Variants in DTL observed in about 807,000 individuals in gnomAD.
DTL encodes the protein denticleless protein homolog.
In DTL, 46 loss-of-function variants were observed where a neutral mutation model predicts 87.0. That is an observed-to-expected ratio of 0.53 (90% CI 0.42 to 0.68). The LOEUF (loss-of-function observed/expected upper bound fraction) is 0.68. Among genes scored for constraint, DTL ranks in the 30% least tolerant of loss-of-function variants. DTL has a pLI of 0.00. For missense variants in DTL, 737 were observed against 869.4 expected (o/e 0.85, Z 1.91); for synonymous variants, 308 against 311.2 (o/e 0.99, Z 0.11).
At chr1:212,079,829 T>C (rs549392758) in intron 12 of DTL, among the ~76,000 whole-genome samples, 3 of 152,330 alleles carry the variant, frequency 2.0e-5, no homozygotes, top group South Asian at 4.1e-4. Flanking sequence ...GCTGCCAGTC[T>C]CTTGGGGGCC....
chr1:212,037,852 T>C (rs1471219314), intron 1 of DTL, among the ~76,000 whole-genome samples: 1 of 152,228 alleles, frequency 6.6e-6, no homozygotes, highest in Non-Finnish European at 1.5e-5. Context: ...ATCACAAATA[T>C]GGCAGCTCAC....
intron 7 of DTL, among the ~76,000 whole-genome samples, chr1:212,066,087 C>T (rs927193713): frequency 6.6e-5 from 10 of 152,146 alleles, no homozygotes; most frequent in African/African-American, 2.4e-4. Flanking sequence ...AGTCAGAGCT[C>T]AAACAATGCC....
chr1:212,075,091 G>A (rs964983157), intron 11 of DTL, among the ~76,000 whole-genome samples: 5 of 152,128 alleles, frequency 3.3e-5, no homozygotes, highest in African/African-American at 9.7e-5. Flanking sequence ...CTGGTGAAAC[G>A]TTGAGCCTGA....
intron 5 of DTL, among the ~76,000 whole-genome samples, chr1:212,057,769 C>T (rs954815367): frequency 6.6e-6 from 1 of 152,108 alleles, no homozygotes; most frequent in East Asian, 1.9e-4. Flanking sequence ...GTTAAACTTT[C>T]CATTTGAAAA....
At chr1:212,037,208 G>A (rs2102520022) in intron 1 of DTL, among the ~76,000 whole-genome samples, 1 of 152,224 alleles carries the variant, frequency 6.6e-6, no homozygotes, top group Middle Eastern at 3.4e-3. Context: ...TCTATTTTGT[G>A]ACAGATTTTC....
At chr1:212,070,407 G>A (rs1378349448) in intron 10 of DTL, among the ~76,000 whole-genome samples, 1 of 152,104 alleles carries the variant, frequency 6.6e-6, no homozygotes, top group African/African-American at 2.4e-5. Context: ...CCAGGAGTTC[G>A]AGACCAGCCT....
intron 5 of DTL, chr1:212,052,127 T>C: frequency 3.0e-6 from 2 of 676,392 alleles, no homozygotes; most frequent in South Asian, 1.6e-5. Flanking sequence ...TCTGCTTTCA[T>C]TGAGAACTCT....
At chr1:212,087,716 G>A (rs1403488396) in intron 13 of DTL, among the ~76,000 whole-genome samples, 2 of 152,068 alleles carry the variant, frequency 1.3e-5, no homozygotes, top group Non-Finnish European at 2.9e-5. Flanking sequence ...CTGACCATTC[G>A]ACTCTCTAAG....
chr1:212,100,553 G>T lies in DTL; in HGVS notation c.1563G>T (p.Glu521Asp). ...CACCCATCACTCCACCTGCTTCGGA[G>T]ACCAAGATCATGTCTCCGAGAAAAG... ...SSPPITPPASETKIMSPRKAL... is the reference protein window; with the variant it reads ...SSPPITPPASDTKIMSPRKAL... The change falls in exon 14 of 15, where the codon GAG (glutamate) becomes GAT (aspartate). Residue 521 changes from glutamate (E) to aspartate (D), a missense_variant. Transcript: ENST00000366991. The T allele has an allele frequency of 6.2e-7, 1 of 1,614,018 alleles. No individual in the cohort carries two copies. The highest frequency in any genetic ancestry group is 8.5e-7 in the Non-Finnish European group (1 of 1,180,014).
At chr1:212,042,809 T>G (rs1004345391) in intron 1 of DTL, among the ~76,000 whole-genome samples, 184 bp from the exon 2 acceptor site, 2 of 152,216 alleles carry the variant, frequency 1.3e-5, no homozygotes, top group Non-Finnish European at 2.9e-5. Context: ...GAAGTGCTCT[T>G]TCATTTTTTC....
At chr1:212,038,419 C>A (rs1667548738) in intron 1 of DTL, among the ~76,000 whole-genome samples, 1 of 152,194 alleles carries the variant, frequency 6.6e-6, no homozygotes, top group East Asian at 1.9e-4. Flanking sequence ...TTCCCCCAAA[C>A]CTGCAATATT....
At chr1:212,038,772 A>C (rs1049734287) in intron 1 of DTL, among the ~76,000 whole-genome samples, 1 of 152,212 alleles carries the variant, frequency 6.6e-6, no homozygotes, top group Non-Finnish European at 1.5e-5. Flanking sequence ...GTGTATTTTT[A>C]AATTGATATC....
intron 6 of DTL, among the ~76,000 whole-genome samples, chr1:212,064,508 C>T (rs1654434930): frequency 6.6e-6 from 1 of 152,190 alleles, no homozygotes; most frequent in South Asian, 2.1e-4. Flanking sequence ...TCTAGAAATC[C>T]TCTGTGCTCC....
rs1655707960 is a variant in DTL, at chr1:212,104,246, A to ACTGTGTAGACTTTATGTTAGTT, written c.*1323_*1324insTAGTTCTGTGTAGACTTTATGT. 1 of 151,390 alleles carries ACTGTGTAGACTTTATGTTAGTT rather than the reference A, an allele frequency of 6.6e-6. No homozygotes were observed. Among genetic ancestry groups the ACTGTGTAGACTTTATGTTAGTT allele is most frequent in the Non-Finnish European group, 1.5e-5 (1 of 67,834 alleles). 9.4% of individuals were successfully genotyped at this position (151,390 alleles called of 1,614,324 possible). A position where few individuals can be genotyped will look rare whatever the true frequency, so the allele number is the denominator to read the frequency against. Reference sequence around the variant, plus strand: ...ATTTGTTTTATCCATATCCCTGAGGACTGTGTAGACTTTATGTCAGTTTTT... The same window carrying ACTGTGTAGACTTTATGTTAGTT: ...ATTTGTTTTATCCATATCCCTGAGGACTGTGTAGACTTTATGTTAGTTCTGTGTAGACTTTATGTCAGTTTTT... On this transcript the variant is annotated 3_prime_UTR_variant, in exon 15 of 15. Coordinates refer to ENST00000366991, the MANE Select transcript of DTL (RefSeq NM_016448.4).
intron 1 of DTL, among the ~76,000 whole-genome samples, chr1:212,037,665 T>TTAATATTAAA (rs1298063483): frequency 6.6e-6 from 1 of 152,246 alleles, no homozygotes; most frequent in Admixed American, 6.5e-5. Flanking sequence ...GTTGAAATAA[T>TTAATATTAAA]TGTGTGCTAT....
At chr1:212,076,492 T>C (rs1654834367) in intron 11 of DTL, among the ~76,000 whole-genome samples, 1 of 152,166 alleles carries the variant, frequency 6.6e-6, no homozygotes, top group African/African-American at 2.4e-5. Flanking sequence ...ACCCTTGGTG[T>C]ACACATTTAG....
intron 1 of DTL, among the ~76,000 whole-genome samples, chr1:212,041,138 A>G (rs935526598): frequency 5.3e-5 from 8 of 152,186 alleles, no homozygotes; most frequent in South Asian, 2.1e-4. Context: ...TCATAACACA[A>G]TAAGGATCCA....
intron 1 of DTL, among the ~76,000 whole-genome samples, chr1:212,039,825 T>TA (rs1255492837): frequency 6.6e-6 from 1 of 152,110 alleles, no homozygotes; most frequent in Non-Finnish European, 1.5e-5. Context: ...ATATAAAAGA[T>TA]AAAAAATGGT....
intron 13 of DTL, among the ~76,000 whole-genome samples, chr1:212,089,237 C>G (rs1655217134): frequency 6.6e-6 from 1 of 152,158 alleles, no homozygotes; most frequent in African/African-American, 2.4e-5. Context: ...GGAGTTAGTC[C>G]ACTTAAGTAG....
Sources: allele counts gnomAD v4.1 joint callset (sites outside exome capture counted in the v4.1 genomes callset), GRCh38; gene constraint gnomAD v4.1.1; transcripts MANE v1.5; gene names NCBI Gene and HGNC (gene_info 2026-07-23, HGNC 2026-07-21).